Variants in DIPK2A observed in about 807,000 individuals in gnomAD.
DIPK2A encodes divergent protein kinase domain 2A, also known as Golgi Protein of 49 kDa.
Under a neutral mutation model 39.0 loss-of-function variants are expected in DIPK2A, and 27 were observed. The ratio of observed to expected loss-of-function variants is 0.69; its 90% CI spans 0.51 to 0.96. The LOEUF is 0.96. Ranked by LOEUF, DIPK2A falls within the 40% of genes least tolerant of loss-of-function variation. DIPK2A has a pLI of 0.00. For missense variants in DIPK2A, 528 were observed against 571.3 expected (o/e 0.92, Z 0.77); for synonymous variants, 298 against 240.8 (o/e 1.24, Z -2.20).
intron 1 of DIPK2A, among the ~76,000 whole-genome samples, chr3:143,980,461 TTC>T (rs1320105303): frequency 3.9e-5 from 6 of 152,066 alleles, no homozygotes; most frequent in African/African-American, 1.4e-4. Flanking sequence ...AGAGACGAGT[TTC>T]ACCATGTTGG....
chr3:143,973,230 C>T, intron 1 of DIPK2A: 1 of 1,118,128 alleles, frequency 8.9e-7, no homozygotes, highest in Non-Finnish European at 1.3e-6. Context: ...TCGGATTTGA[C>T]TGTGGATCTT....
At position 143,992,365 on chromosome 3, in the gene DIPK2A, C is replaced by T. The variant is rs2087999332; in HGVS notation, c.*2524C>T. ...TCTTAATAAAGAATACTTTAAGAAT[C>T]ACACTTTTCAGACTATTTCTTAACT... On this transcript the variant is annotated 3_prime_UTR_variant, in exon 3 of 3. Coordinates refer to ENST00000315691, the MANE Select transcript of DIPK2A (RefSeq NM_173552.5). 1 of 152,508 alleles carries T rather than the reference C, an allele frequency of 6.6e-6. No homozygotes were observed. Among genetic ancestry groups the T allele is most frequent in the Admixed American group, 6.5e-5 (1 of 15,280 alleles). The allele number at this position is 152,508 out of a possible 1,614,324, so 9.4% of individuals were successfully genotyped here. A position where few individuals can be genotyped will look rare whatever the true frequency, so the allele number is the denominator to read the frequency against.
chr3:143,973,376 C>G (rs2107837682), intron 1 of DIPK2A: 3 of 1,548,240 alleles, frequency 1.9e-6, no homozygotes, highest in Non-Finnish European at 2.6e-6. Flanking sequence ...TTCACGAGCC[C>G]TTGGACCTTT....
intron 1 of DIPK2A, chr3:143,978,330 G>A (rs981019797): frequency 2.6e-5 from 4 of 152,264 alleles, no homozygotes; most frequent in African/African-American, 4.8e-5. Flanking sequence ...GTTGTAACAT[G>A]ACTGAAAATT....
At position 143,972,300 on chromosome 3, in the gene DIPK2A, C is replaced by T. The variant is rs938885634; in HGVS notation, c.-33C>T. On this transcript the variant is annotated 5_prime_UTR_variant, in exon 1 of 3. Coordinates refer to ENST00000315691, the MANE Select transcript of DIPK2A (RefSeq NM_173552.5). ...GCGCGGCGGGGGCGCCCCGGGGGTGCCCTCGCCCTCCCGTTGCGGGCGGGC... is the reference window on the plus strand; with the variant it reads ...GCGCGGCGGGGGCGCCCCGGGGGTGTCCTCGCCCTCCCGTTGCGGGCGGGC... 64 of 1,343,786 alleles carry T rather than the reference C, an allele frequency of 4.8e-5. No individual in the cohort carries two copies. Among genetic ancestry groups the T allele is most frequent in the Non-Finnish European group, 5.6e-5 (59 of 1,053,110 alleles). The allele number at this position is 1,343,786 out of a possible 1,614,324, so 83.2% of individuals were successfully genotyped here. A position where few individuals can be genotyped will look rare whatever the true frequency, so the allele number is the denominator to read the frequency against.
At chr3:143,982,415 G>A (rs1234358604) in intron 1 of DIPK2A, among the ~76,000 whole-genome samples, 1 of 152,176 alleles carries the variant, frequency 6.6e-6, no homozygotes, top group Admixed American at 6.5e-5. Context: ...CAGAAACCCT[G>A]TAAGCCAGAA....
chr3:143,974,136 T>G (rs1168472961), intron 1 of DIPK2A, among the ~76,000 whole-genome samples: 4 of 148,028 alleles, frequency 2.7e-5, no homozygotes, highest in African/African-American at 1.0e-4. Flanking sequence ...TTTTTTTTTA[T>G]TTTTCTAAAA....
chr3:143,988,024 T>G (rs1192635701), intron 2 of DIPK2A, among the ~76,000 whole-genome samples: 3 of 152,208 alleles, frequency 2.0e-5, no homozygotes, highest in Non-Finnish European at 4.4e-5. Context: ...GACTTCCCAT[T>G]GTTCTGGAAG....
intron 1 of DIPK2A, among the ~76,000 whole-genome samples, chr3:143,985,230 A>G (rs1337368797): frequency 6.6e-6 from 1 of 152,232 alleles, no homozygotes; most frequent in Non-Finnish European, 1.5e-5. Context: ...AAGGGAAAGC[A>G]TAAATACTTT....
chr3:143,973,091 C>G (rs1483528225), intron 1 of DIPK2A, 102 bp downstream of exon 1: 1 of 1,425,538 alleles, frequency 7.0e-7, no homozygotes, highest in East Asian at 2.5e-5. Context: ...AGTTCGGACT[C>G]GGCCGGGCTG....
At chr3:143,977,560 C>T (rs2087748674) in intron 1 of DIPK2A, among the ~76,000 whole-genome samples, 2 of 152,066 alleles carry the variant, frequency 1.3e-5, no homozygotes, top group Non-Finnish European at 2.9e-5. Flanking sequence ...ATGTTCCAGA[C>T]TTTGTTTCAG....
chr3:143,972,271 C>A lies in DIPK2A; in HGVS notation c.-62C>A. The stretch of plus-strand genomic sequence containing the variant: ...GGTTCCTGCCGGTAGCTCTCCGGGT[C>A]TTGGCGCGGCGGGGGCGCCCCGGGG... On this transcript the variant is annotated 5_prime_UTR_variant, in exon 1 of 3. Transcript: ENST00000315691. 7 of 1,330,642 alleles carry A rather than the reference C, an allele frequency of 5.3e-6. No individual in the cohort carries two copies. Among genetic ancestry groups the A allele is most frequent in the Non-Finnish European group, 6.7e-6 (7 of 1,042,516 alleles). The allele number at this position is 1,330,642 out of a possible 1,614,324, so 82.4% of individuals were successfully genotyped here.
At chr3:143,987,186 T>C (rs1326874185) in intron 2 of DIPK2A, among the ~76,000 whole-genome samples, 4 of 152,226 alleles carry the variant, frequency 2.6e-5, no homozygotes, top group Non-Finnish European at 5.9e-5. Context: ...TAGCAGCGTA[T>C]ACTATTCTTT....
Position 143,991,004 on chromosome 3 carries a change from A to T in DIPK2A, c.*1163A>T, listed in dbSNP as rs764920408. 5.6e-4 allele frequency: 85 copies of T among 152,452 alleles called. No homozygotes were observed. The highest frequency in any genetic ancestry group is 9.4e-4 in the Non-Finnish European group (64 of 67,990). The allele number at this position is 152,452 out of a possible 1,614,324, so 9.4% of individuals were successfully genotyped here. Reference sequence around the variant, plus strand: ...ATCATAACTTTTCATTTATTGAGGAACTAATCATTATTACTATAAAGCATA... The same window carrying T: ...ATCATAACTTTTCATTTATTGAGGATCTAATCATTATTACTATAAAGCATA... On this transcript the variant is annotated 3_prime_UTR_variant, in exon 3 of 3. Transcript: ENST00000315691.
At chr3:143,985,111 C>T (rs1202454175) in intron 1 of DIPK2A, among the ~76,000 whole-genome samples, 3 of 152,210 alleles carry the variant, frequency 2.0e-5, no homozygotes, top group Admixed American at 2.0e-4. Flanking sequence ...TTAATTGCCA[C>T]CGTAACACAG....
chr3:143,972,374 C>G lies in DIPK2A; in HGVS notation c.42C>G (p.Arg14=). 8 of 1,413,416 alleles carry G rather than the reference C, an allele frequency of 5.7e-6. No homozygotes were observed. The highest frequency in any genetic ancestry group is 7.4e-6 in the Non-Finnish European group (8 of 1,083,242). The allele number at this position is 1,413,416 out of a possible 1,614,324, so 87.6% of individuals were successfully genotyped here. ...CCCCGAAGCTGGGCCGCCTGTCCCGCTCGCTGAAGCTGGCGGCGCTGGGCA... is the reference window on the plus strand; with the variant it reads ...CCCCGAAGCTGGGCCGCCTGTCCCGGTCGCTGAAGCTGGCGGCGCTGGGCA... The part of the protein sequence containing the change: ...LVPPKLGRLS[R]SLKLAALGSL... The change falls in exon 1 of 3, where the codon CGC becomes CGG. Residue 14 remains arginine (R), a synonymous_variant. Coordinates refer to ENST00000315691, the MANE Select transcript of DIPK2A (RefSeq NM_173552.5).
rs1229794633 is a variant in DIPK2A, at chr3:143,989,962, A to C, written c.*121A>C. On this transcript the variant is annotated 3_prime_UTR_variant, in exon 3 of 3. Transcript: ENST00000315691. ...TACATTCAGAGGATGATAAACTTGCACTGATAGATCTTAATGTTAACATCC... is the reference window on the plus strand; with the variant it reads ...TACATTCAGAGGATGATAAACTTGCCCTGATAGATCTTAATGTTAACATCC... The C allele has an allele frequency of 1.4e-6, 1 of 695,024 alleles. No individual in the cohort carries two copies. The highest frequency in any genetic ancestry group is 2.7e-5 in the East Asian group (1 of 37,026). The allele number at this position is 695,024 out of a possible 1,614,324, so 43.1% of individuals were successfully genotyped here.
At position 143,992,068 on chromosome 3, in the gene DIPK2A, C is replaced by G. The variant is rs575344234; in HGVS notation, c.*2227C>G. On this transcript the variant is annotated 3_prime_UTR_variant, in exon 3 of 3. Coordinates refer to ENST00000315691, the MANE Select transcript of DIPK2A (RefSeq NM_173552.5). ...TAAAAGAATTAGGAATTTAAAATTA[C>G]AGGGAAAAATATGTAAGTGAAAAGC... 30 of 152,610 alleles carry G rather than the reference C, an allele frequency of 2.0e-4. No individual in the cohort carries two copies. Among genetic ancestry groups the G allele is most frequent in the East Asian group, 1.7e-3 (9 of 5,188 alleles). The allele number at this position is 152,610 out of a possible 1,614,324, so 9.5% of individuals were successfully genotyped here. A position where few individuals can be genotyped will look rare whatever the true frequency, so the allele number is the denominator to read the frequency against.
intron 2 of DIPK2A, among the ~76,000 whole-genome samples, chr3:143,988,579 T>G (rs957179437): frequency 5.3e-5 from 8 of 152,320 alleles, no homozygotes; most frequent in Non-Finnish European, 8.8e-5. Context: ...CTATTTGTTT[T>G]TCAAGCCTTG....
Sources: allele counts gnomAD v4.1 joint callset (sites outside exome capture counted in the v4.1 genomes callset), GRCh38; gene constraint gnomAD v4.1.1; transcripts MANE v1.5; gene names NCBI Gene and HGNC (gene_info 2026-07-23, HGNC 2026-07-21).